KCNMA1: variants seen among roughly 807,000 people sequenced by gnomAD.
The protein encoded by KCNMA1 is potassium calcium-activated channel subfamily M alpha 1, also known as Calcium-activated potassium channel subunit alpha-1.
Under a neutral mutation model 140.0 loss-of-function variants are expected in KCNMA1, and 29 were observed. That is an observed-to-expected ratio of 0.21 (90% CI 0.15 to 0.28). The LOEUF is 0.28. Ranked by LOEUF, KCNMA1 falls within the 10% of genes least tolerant of loss-of-function variation. The pLI is 1.00. For missense variants in KCNMA1, 880 were observed against 1,602.2 expected (o/e 0.55, Z 7.70); for synonymous variants, 612 against 611.9 (o/e 1.00, Z 0.00).
chr10:77,116,844 G>A (rs900907144), intron 6 of KCNMA1, among the ~76,000 whole-genome samples: 2 of 152,088 alleles, frequency 1.3e-5, no homozygotes, highest in African/African-American at 4.8e-5. Flanking sequence ...TTGGAATAGT[G>A]GATCTTTCTA....
At chr10:77,520,157 G>GAGGTAT (rs1567297741) in intron 1 of KCNMA1, among the ~76,000 whole-genome samples, 6 of 2,102 alleles carry the variant, frequency 2.9e-3, no homozygotes, top group Admixed American at 5.8e-3. Flanking sequence ...TGTGAGGTCT[G>GAGGTAT]GCATATGCAG....
downstream of KCNMA1, chr10:76,876,533 T>C (rs1004548475): frequency 2.6e-5 from 4 of 152,626 alleles, no homozygotes; most frequent in South Asian, 6.2e-4. Flanking sequence ...TCACTGCTGG[T>C]AATTTTCAAA....
In KCNMA1 at chr10:77,158,880, G is replaced by A. The variant is rs114553981; in HGVS notation, c.808+24541C>T. Among the ~76,000 whole-genome samples the A allele has an allele frequency of 9.6e-3, 1,468 of 152,278 alleles. 21 individuals are homozygous for A. Among genetic ancestry groups the A allele is most frequent in the African/African-American group, 0.033 (1,377 of 41,556 alleles). On this transcript the variant is annotated intron_variant, in intron 5 of 27. Coordinates refer to ENST00000286628, the MANE Select transcript of KCNMA1 (RefSeq NM_001161352.2). The stretch of plus-strand genomic sequence containing the variant: ...GGTAGCCTGGCCAGCCAATGCGTAA[G>A]TGTAATAAGTAATCCTCATACTCTC...
At chr10:77,379,143 C>T (rs1455118350) in intron 2 of KCNMA1, among the ~76,000 whole-genome samples, 1 of 152,102 alleles carries the variant, frequency 6.6e-6, no homozygotes, top group Non-Finnish European at 1.5e-5. Context: ...TAATGAATAA[C>T]CAGGAAAGAC....
At chr10:77,552,652 C>A (rs2063138252) in intron 1 of KCNMA1, among the ~76,000 whole-genome samples, 1 of 152,162 alleles carries the variant, frequency 6.6e-6, no homozygotes, top group Admixed American at 6.6e-5. Context: ...GTTTTTCCTG[C>A]CTTTGACATG....
chr10:77,157,346 AC>A (rs1358212791), intron 5 of KCNMA1, among the ~76,000 whole-genome samples: 1 of 152,134 alleles, frequency 6.6e-6, no homozygotes, highest in East Asian at 1.9e-4. Flanking sequence ...GGAGGCTAGT[AC>A]AAGTTCATTT....
Position 77,423,390 on chromosome 10 carries a change from C to T in KCNMA1, c.379-19367G>A, listed in dbSNP as rs191821889. ...CCTTCTCTAATCGACATAGAAACGGCTAAGCAGTAGATATTTTCAGTCAGA... is the reference window on the plus strand; with the variant it reads ...CCTTCTCTAATCGACATAGAAACGGTTAAGCAGTAGATATTTTCAGTCAGA... On this transcript the variant is annotated intron_variant, in intron 1 of 27. Coordinates refer to ENST00000286628, the MANE Select transcript of KCNMA1 (RefSeq NM_001161352.2). Among the ~76,000 whole-genome samples the T allele has an allele frequency of 1.1e-3, 162 of 152,256 alleles. No individual in the cohort carries two copies. The Middle Eastern group carries it at 0.014, about 13-fold the overall frequency.
intron 1 of KCNMA1, among the ~76,000 whole-genome samples, chr10:77,614,665 A>C (rs2088609778): frequency 2.0e-5 from 3 of 152,170 alleles, no homozygotes; most frequent in Admixed American, 2.0e-4. Context: ...AGGCATGAGG[A>C]GGGTAGACAA....
chr10:77,253,615 A>C (rs1277683457), intron 2 of KCNMA1, among the ~76,000 whole-genome samples: 1 of 152,202 alleles, frequency 6.6e-6, no homozygotes, highest in Non-Finnish European at 1.5e-5. Flanking sequence ...AAATATCAGC[A>C]TCTCTCTGAT....
intron 5 of KCNMA1, among the ~76,000 whole-genome samples, chr10:77,169,523 G>A (rs2098679747): frequency 6.6e-6 from 1 of 151,918 alleles, no homozygotes; most frequent in Non-Finnish European, 1.5e-5. Context: ...CTGAGTAGCT[G>A]GGACCACAGG....
chr10:77,435,870 C>A (rs1176500663), intron 1 of KCNMA1, among the ~76,000 whole-genome samples: 1 of 152,196 alleles, frequency 6.6e-6, no homozygotes, highest in Admixed American at 6.5e-5. Flanking sequence ...CCCAACCCAT[C>A]CACCTGGCAG....
chr10:77,622,655 C>T (rs1030376092), intron 1 of KCNMA1, among the ~76,000 whole-genome samples: 2 of 152,182 alleles, frequency 1.3e-5, no homozygotes, highest in East Asian at 3.8e-4. Flanking sequence ...CATTTTCTAA[C>T]CTGTAAAATG....
intron 6 of KCNMA1, among the ~76,000 whole-genome samples, chr10:77,117,998 T>C (rs2097522123): frequency 6.6e-6 from 1 of 152,374 alleles, no homozygotes; most frequent in South Asian, 2.1e-4. Context: ...GCCCACCTTA[T>C]GCTTCTCTGC....
chr10:77,556,046 T>C (rs1231256888), intron 1 of KCNMA1, among the ~76,000 whole-genome samples: 3 of 152,204 alleles, frequency 2.0e-5, no homozygotes, highest in African/African-American at 7.2e-5. Flanking sequence ...ACAGCTGACA[T>C]ATGGTGTGGA....
intron 25 of KCNMA1, among the ~76,000 whole-genome samples, chr10:76,896,890 A>G (rs776571143): frequency 6.6e-6 from 1 of 152,122 alleles, no homozygotes; most frequent in South Asian, 2.1e-4. Context: ...CGTACACTTT[A>G]AATGGATGAG....
intron 2 of KCNMA1, among the ~76,000 whole-genome samples, chr10:77,367,226 CACAA>C (rs1438304127): frequency 2.0e-5 from 3 of 151,980 alleles, no homozygotes; most frequent in African/African-American, 7.3e-5. Context: ...CACTCTAGGC[CACAA>C]ACAAAGCAGA....
chr10:77,212,882 C>A (rs1041345057), intron 3 of KCNMA1, among the ~76,000 whole-genome samples: 4 of 152,198 alleles, frequency 2.6e-5, no homozygotes, highest in Non-Finnish European at 5.9e-5. Flanking sequence ...TGATTCCCTG[C>A]CATTATCCTT....
intron 2 of KCNMA1, among the ~76,000 whole-genome samples, chr10:77,259,456 T>G (rs1318939076): frequency 6.6e-6 from 1 of 152,140 alleles, no homozygotes; most frequent in African/African-American, 2.4e-5. Context: ...GAATCCCTCC[T>G]TAAATCACCT....
chr10:77,245,765 G>T (rs1344524519), intron 3 of KCNMA1, among the ~76,000 whole-genome samples: 1 of 151,428 alleles, frequency 6.6e-6, no homozygotes, highest in Non-Finnish European at 1.5e-5. Flanking sequence ...GGATAGGAAG[G>T]CCAAAGAGTC....
Sources: gnomAD v4.1 joint callset for allele counts (sites outside exome capture counted in the v4.1 genomes callset) on GRCh38, gnomAD v4.1.1 for gene constraint, MANE v1.5 for transcripts, NCBI Gene and HGNC (gene_info 2026-07-23, HGNC 2026-07-21) for gene names.